Variants in NCOA7 observed in about 807,000 individuals in gnomAD.
NCOA7 encodes nuclear receptor coactivator 7, also known as 140 kDa estrogen receptor-associated protein.
In NCOA7, 45 loss-of-function variants were observed where a neutral mutation model predicts 104.3. The observed-to-expected ratio is 0.43, with a 90% confidence interval of 0.34 to 0.55. The LOEUF (loss-of-function observed/expected upper bound fraction) is 0.55, where lower values mean the gene tolerates loss of function less well. NCOA7 is among the 20% of genes least tolerant of loss of function. The pLI is 0.02. For missense variants in NCOA7, 1,041 were observed against 1,119.7 expected (o/e 0.93, Z 1.00); for synonymous variants, 398 against 402.3 (o/e 0.99, Z 0.13).
intron 1 of NCOA7, among the ~76,000 whole-genome samples, chr6:125,794,463 C>G (rs527777200): frequency 6.6e-6 from 1 of 152,278 alleles, no homozygotes; most frequent in African/African-American, 2.4e-5. Flanking sequence ...TTCTGTTCTA[C>G]CTTGTTTTTC....
At chr6:125,812,675 G>GA (rs1362619952) in intron 1 of NCOA7, among the ~76,000 whole-genome samples, 1 of 152,268 alleles carries the variant, frequency 6.6e-6, no homozygotes, top group East Asian at 1.9e-4. Flanking sequence ...AACGTCTGGT[G>GA]AATGTCTCCA....
rs137976387 is a variant in NCOA7, at chr6:125,796,953, G to A, written c.-65+5886G>A. 4.0e-3 allele frequency among the ~76,000 whole-genome samples: 610 copies of A among 152,264 alleles called. 2 individuals carry two copies. The highest frequency in any genetic ancestry group is 0.01 in the African/African-American group (423 of 41,556). ...CCCATGGATATGGAGGGCCACCTGTGCATGTCCAGATCAACTTTTTAAAGC... is the reference window on the plus strand; with the variant it reads ...CCCATGGATATGGAGGGCCACCTGTACATGTCCAGATCAACTTTTTAAAGC... On this transcript the variant is annotated intron_variant, in intron 1 of 15. Transcript: ENST00000392477.
intron 10 of NCOA7, among the ~76,000 whole-genome samples, chr6:125,910,213 G>A (rs752972697): frequency 1.3e-5 from 2 of 152,144 alleles, no homozygotes; most frequent in South Asian, 2.1e-4. Flanking sequence ...ATGCTAAGCC[G>A]GCTCTTAGTA....
At chr6:125,810,450 A>G (rs1046730496) in intron 1 of NCOA7, 2 of 152,230 alleles carry the variant, frequency 1.3e-5, no homozygotes, top group Non-Finnish European at 2.9e-5. Flanking sequence ...TAGATGGAAG[A>G]TTCATCTTGT....
At chr6:125,877,688 T>C (rs1783494994) in intron 4 of NCOA7, among the ~76,000 whole-genome samples, 1 of 152,256 alleles carries the variant, frequency 6.6e-6, no homozygotes, top group Non-Finnish European at 1.5e-5. Context: ...AGTGTGGTTT[T>C]AATGATAGTG....
rs539512009 is a variant in NCOA7, at chr6:125,878,516, T to C, written c.459+146T>C. The C allele has an allele frequency of 1.9e-5, 11 of 564,246 alleles. No homozygotes were observed. The East Asian group carries it at 3.8e-4, about 20-fold the overall frequency. The allele number at this position is 564,246 out of a possible 1,614,324, so 35.0% of individuals were successfully genotyped here. On this transcript the variant is annotated intron_variant, in intron 5 of 15. Transcript: ENST00000392477. Reference sequence around the variant, plus strand: ...ATATTTTCTCTCCTTTATTTTTATTTATTTATTTTTTGAGACAGGGTCTTG... The same window carrying C: ...ATATTTTCTCTCCTTTATTTTTATTCATTTATTTTTTGAGACAGGGTCTTG...
rs766602453 is a variant in NCOA7, at chr6:125,921,062, C to T, written c.2364C>T (p.Ile788=). ...PHSALLENMH[I]EQLARRLPAR... is the part of the protein sequence containing the mutation. The stretch of plus-strand genomic sequence containing the variant: ...GCGCGCTCCTGGAGAATATGCACAT[C>T]GAGCAGGTGGGCTCGCCCTGGCCAC... Residue 788 remains isoleucine (I), a synonymous_variant, in exon 12 of 16, where the codon ATC becomes ATT. Transcript: ENST00000392477. 52 of 1,612,728 alleles carry T rather than the reference C, an allele frequency of 3.2e-5. No individual in the cohort carries two copies. Among genetic ancestry groups the T allele is most frequent in the South Asian group, 7.7e-5 (7 of 91,062 alleles).
chr6:125,867,367 A>C (rs1382375951), intron 3 of NCOA7, among the ~76,000 whole-genome samples: 1 of 152,224 alleles, frequency 6.6e-6, no homozygotes, highest in Non-Finnish European at 1.5e-5. Flanking sequence ...TAAACCATAA[A>C]TTGATATTGG....
In NCOA7 at chr6:125,930,431, A is replaced by G. The variant is rs1010542128; in HGVS notation, c.*1660A>G. On this transcript the variant is annotated 3_prime_UTR_variant, in exon 16 of 16. Transcript: ENST00000392477. ...TGATTACCAGACTTTTATGAAAGCC[A>G]AAGACTGCTTGCTAGTAGGAAAAAA... 8 of 152,768 alleles carry G rather than the reference A, an allele frequency of 5.2e-5. No individual in the cohort carries two copies. Among genetic ancestry groups the G allele is most frequent in the African/African-American group, 1.7e-4 (7 of 41,580 alleles). The allele number at this position is 152,768 out of a possible 1,614,324, so 9.5% of individuals were successfully genotyped here. A position where few individuals can be genotyped will look rare whatever the true frequency, so the allele number is the denominator to read the frequency against.
rs766825580 is a variant in NCOA7, at chr6:125,855,147, G to A, written c.178G>A (p.Glu60Lys). 8 of 1,613,270 alleles carry A rather than the reference G, an allele frequency of 5.0e-6. No homozygotes were observed. In the Admixed American group the frequency reaches 1.3e-4, roughly 27 times the overall value. Residue 60 changes from glutamate to lysine, a missense_variant, in exon 3 of 16, where the codon GAA (glutamate) becomes AAA (lysine). Glu to Lys is a moderately conservative substitution (Grantham distance 56). Around this residue, in one of 2 missense-constraint regions of NCOA7, gnomAD observed 914 missense variants for 942.7 expected, o/e 0.97. Transcript: ENST00000392477. ...GCCAGACAAGTGCAACATTGCTGTG[G>A]AAGAGGAATATATGACTGATGAGAA... is the stretch of plus-strand genomic sequence containing the variant. ...LEPDKCNIAV[E>K]EEYMTDEKKK...
At chr6:125,927,868 T>C (rs889421132) in intron 14 of NCOA7, 110 bp downstream of exon 14, 42 of 943,566 alleles carry the variant, frequency 4.5e-5, no homozygotes, top group Non-Finnish European at 6.7e-5. Context: ...CTGAACTGAC[T>C]CCGGGCTGGG....
intron 2 of NCOA7, among the ~76,000 whole-genome samples, chr6:125,817,043 C>G (rs1054486787): frequency 3.3e-5 from 5 of 152,224 alleles, no homozygotes; most frequent in Non-Finnish European, 5.9e-5. Context: ...TTCTTCCCTT[C>G]AGCATTACTC....
chr6:125,915,654 A>G (rs1436030200), intron 11 of NCOA7, among the ~76,000 whole-genome samples, 174 bp downstream of exon 11: 1 of 152,134 alleles, frequency 6.6e-6, no homozygotes, highest in Admixed American at 6.6e-5. Flanking sequence ...CACCAGCACC[A>G]CCGCTATGTA....
At chr6:125,812,384 C>A (rs1298742207) in intron 1 of NCOA7, among the ~76,000 whole-genome samples, 3 of 152,198 alleles carry the variant, frequency 2.0e-5, no homozygotes, top group African/African-American at 7.2e-5. Context: ...CAAGTTACTA[C>A]CCTACAGTTT....
chr6:125,891,050 A>G (rs1390571759), intron 10 of NCOA7, among the ~76,000 whole-genome samples: 2 of 152,182 alleles, frequency 1.3e-5, no homozygotes, highest in East Asian at 1.9e-4. Flanking sequence ...CTTTCTACCT[A>G]GTTGATTTTT....
Position 125,927,687 on chromosome 6 carries a change from C to A in NCOA7, c.2548C>A (p.Pro850Thr). Reference protein sequence around the residue: ...NQIFGAYATHPFKFSDHYYGT... With the variant: ...NQIFGAYATHTFKFSDHYYGT... ...GATTTTTGGAGCATATGCAACTCAT[C>A]CTTTCAAGTTCAGTGACCACTATTA... The change falls in exon 14 of 16, where the codon CCT becomes ACT. Residue 850 changes from proline to threonine, a missense_variant. This residue lies in a region of NCOA7 where 127 missense variants were observed against 177.0 expected (regional missense o/e 0.72). Transcript: ENST00000392477. The A allele has an allele frequency of 6.2e-7, 1 of 1,614,044 alleles. No homozygotes were observed. The highest frequency in any genetic ancestry group is 8.5e-7 in the Non-Finnish European group (1 of 1,179,952).
intron 6 of NCOA7, among the ~76,000 whole-genome samples, 172 bp from the exon 7 acceptor site, chr6:125,882,254 G>T (rs1054620164): frequency 6.6e-6 from 1 of 152,000 alleles, no homozygotes. Flanking sequence ...TTTGATTTGG[G>T]TATCTGTTAT....
chr6:125,923,655 G>T (rs781309211), intron 13 of NCOA7, among the ~76,000 whole-genome samples: 23 of 152,202 alleles, frequency 1.5e-4, no homozygotes, highest in Non-Finnish European at 2.9e-4. Flanking sequence ...CACTGAAGCA[G>T]ATTTTACTCA....
intron 11 of NCOA7, among the ~76,000 whole-genome samples, chr6:125,920,106 A>G (rs1787440915): frequency 6.6e-6 from 1 of 152,266 alleles, no homozygotes; most frequent in Admixed American, 6.5e-5. Context: ...TTGGTAATTC[A>G]TAAGCATAGC....
Sources: gnomAD v4.1 joint callset for allele counts (sites outside exome capture counted in the v4.1 genomes callset) on GRCh38, gnomAD v4.1.1 for gene constraint, gnomAD v4.1.1 regional missense constraint, MANE v1.5 for transcripts, NCBI Gene and HGNC (gene_info 2026-07-23, HGNC 2026-07-21) for gene names.